The following TANK variants were observed in gnomAD, a reference collection of about 807,000 sequenced individuals.
The protein encoded by TANK is TRAF family member-associated NF-kappa-B activator.
TANK carries 15 observed loss-of-function variants against 43.6 expected under a neutral mutation model. The observed-to-expected ratio is 0.34, with a 90% CI of 0.23 to 0.53. TANK has a LOEUF of 0.53. TANK is among the 20% of genes least tolerant of loss of function. The pLI, the probability that TANK is intolerant of heterozygous loss-of-function variation, is 0.94. For synonymous variants in TANK, 162 were observed against 178.2 expected, an observed-to-expected ratio of 0.91 and a Z score of 0.73; for missense variants, 417 against 498.6, an observed-to-expected ratio of 0.84 and a Z score of 1.56.
intron 6 of TANK, among the ~76,000 whole-genome samples, chr2:161,229,973 A>G (rs969805904): frequency 3.3e-5 from 5 of 152,208 alleles, no homozygotes; most frequent in African/African-American, 1.2e-4. Flanking sequence ...CATTGGCCCT[A>G]TACTAGACTG....
chr2:161,209,098 A>G (rs982273151), intron 4 of TANK, among the ~76,000 whole-genome samples: 22 of 152,314 alleles, frequency 1.4e-4, no homozygotes, highest in African/African-American at 5.0e-4. Context: ...AAATTCCTGA[A>G]TTATGTGATT....
At chr2:161,224,480 T>A (rs915487980) in intron 5 of TANK, 151 bp from the exon 6 acceptor site, 17 of 450,358 alleles carry the variant, frequency 3.8e-5, no homozygotes, top group Non-Finnish European at 6.4e-5. Context: ...ACAAGCTGAT[T>A]TTGGGGACAT....
At chr2:161,166,018 T>G (rs572093896) in intron 1 of TANK, among the ~76,000 whole-genome samples, 2 of 152,316 alleles carry the variant, frequency 1.3e-5, no homozygotes, top group South Asian at 4.1e-4. Context: ...AAACTGAGAC[T>G]CATGGGTGTG....
intron 1 of TANK, chr2:161,163,567 A>G (rs1684538645): frequency 6.6e-6 from 1 of 152,206 alleles, no homozygotes; most frequent in Admixed American, 6.5e-5. Flanking sequence ...TATGCCCTGA[A>G]AGAAACCAAG....
chr2:161,156,925 T>C (rs577631342), upstream of TANK, among the ~76,000 whole-genome samples: 16 of 152,328 alleles, frequency 1.1e-4, 1 homozygote, highest in East Asian at 2.1e-3. Context: ...CCCAGTTCTG[T>C]CTGCCCAACC....
chr2:161,161,275 C>T, intron 1 of TANK: 2 of 1,550,290 alleles, frequency 1.3e-6, no homozygotes, highest in Non-Finnish European at 8.7e-7. Context: ...GTGTTTATCT[C>T]ACCTCACAGG....
chr2:161,161,314 A>G, intron 1 of TANK: 1 of 1,550,634 alleles, frequency 6.4e-7, no homozygotes, highest in Non-Finnish European at 8.7e-7. Flanking sequence ...ATAATAAGGG[A>G]GAGATGGTAG....
intron 2 of TANK, among the ~76,000 whole-genome samples, chr2:161,182,679 C>T (rs1336671206): frequency 6.6e-6 from 1 of 152,014 alleles, no homozygotes; most frequent in Non-Finnish European, 1.5e-5. Flanking sequence ...TGAACCCTGT[C>T]CTTTGGGGCT....
intron 1 of TANK, among the ~76,000 whole-genome samples, chr2:161,169,289 T>C (rs991370083): frequency 6.6e-6 from 1 of 152,236 alleles, no homozygotes; most frequent in African/African-American, 2.4e-5. Context: ...ATTGAGGAGT[T>C]GTATTAGTGA....
chr2:161,148,657 T>C (rs538101503), intron 1 of TANK, among the ~76,000 whole-genome samples: 2 of 152,336 alleles, frequency 1.3e-5, no homozygotes, highest in Non-Finnish European at 2.9e-5. Context: ...TTATCTCTTA[T>C]ATTTAGGTAA....
chr2:161,153,687 C>CAAAAAAAAAAAAAAAAAAAAAAAAAAAA (rs11395042), intron 1 of TANK, among the ~76,000 whole-genome samples: 1 of 76,340 alleles, frequency 1.3e-5, no homozygotes, highest in Non-Finnish European at 2.4e-5. Flanking sequence ...GGCCCTGTCT[C>CAAAAAAAAAAAAAAAAAAAAAAAAAAAA]AAAAAAAAAA....
chr2:161,155,984 A>G, upstream of TANK: 16 of 886,634 alleles, frequency 1.8e-5, no homozygotes, highest in Non-Finnish European at 2.2e-5. Flanking sequence ...TAGGGCATTT[A>G]ATATTGAAAT....
intron 2 of TANK, among the ~76,000 whole-genome samples, chr2:161,193,819 C>T (rs973557328): frequency 6.6e-5 from 10 of 152,188 alleles, no homozygotes; most frequent in African/African-American, 2.4e-4. Context: ...CACATGATCA[C>T]ATCTAGTAGT....
chr2:161,172,995 A>G (rs181123611), intron 1 of TANK, among the ~76,000 whole-genome samples: 1 of 152,140 alleles, frequency 6.6e-6, no homozygotes, highest in Admixed American at 6.5e-5. Flanking sequence ...AAATATGTCC[A>G]TCATCTCCTT....
chr2:161,171,524 A>T (rs983240568), intron 1 of TANK, among the ~76,000 whole-genome samples: 3 of 152,222 alleles, frequency 2.0e-5, no homozygotes, highest in African/African-American at 7.2e-5. Context: ...GCCAGTGGTT[A>T]AGAGCACAGA....
intron 7 of TANK, chr2:161,232,704 A>G (rs1239984888): frequency 2.0e-5 from 31 of 1,541,398 alleles, no homozygotes; most frequent in Middle Eastern, 3.4e-4. Context: ...TTTTTTCTCT[A>G]TTATATGTCT....
At chr2:161,204,512 A>G (rs1255701917) in intron 3 of TANK, among the ~76,000 whole-genome samples, 163 bp from the exon 4 acceptor site, 1 of 152,198 alleles carries the variant, frequency 6.6e-6, no homozygotes, top group African/African-American at 2.4e-5. Flanking sequence ...AAAAATATAA[A>G]TGGACAACTT....
chr2:161,153,715 A>G (rs1372325290), intron 1 of TANK, among the ~76,000 whole-genome samples: 1 of 148,672 alleles, frequency 6.7e-6, no homozygotes, highest in East Asian at 2.0e-4. Context: ...AAAAAAATCA[A>G]CTGCATGTAG....
chr2:161,160,273 AG>A, upstream of TANK: 1 of 284,806 alleles, frequency 3.5e-6, no homozygotes, highest in Non-Finnish European at 5.6e-6. Flanking sequence ...GGAGGGCGCT[AG>A]GCGGGGCGGG....
Sources: allele counts gnomAD v4.1 joint callset (sites outside exome capture counted in the v4.1 genomes callset), GRCh38; gene constraint gnomAD v4.1.1; transcripts MANE v1.5; gene names NCBI Gene and HGNC (gene_info 2026-07-23, HGNC 2026-07-21).